EFNA5: variants seen among roughly 807,000 people sequenced by gnomAD.
The protein encoded by EFNA5 is ephrin-A5.
Under a neutral mutation model 22.9 loss-of-function variants are expected in EFNA5, and 5 were observed. That is an observed-to-expected ratio of 0.22 (90% confidence interval 0.11 to 0.46). The LOEUF (loss-of-function observed/expected upper bound fraction) is 0.46, where lower values mean the gene tolerates loss of function less well. Among genes scored for constraint, EFNA5 ranks in the 20% least tolerant of loss-of-function variants. The pLI is 0.99. For missense variants in EFNA5, 237 were observed against 293.3 expected, an observed-to-expected ratio of 0.81 and a Z score of 1.40; for synonymous variants, 113 against 112.2, an observed-to-expected ratio of 1.01 and a Z score of -0.04.
chr5:107,441,506 C>T (rs1749256686), intron 1 of EFNA5, among the ~76,000 whole-genome samples: 1 of 152,146 alleles, frequency 6.6e-6, no homozygotes, highest in South Asian at 2.1e-4. Context: ...GGGACATGAT[C>T]TGAAGCTTAC....
intron 4 of EFNA5, 142 bp from the exon 5 acceptor site, chr5:107,381,518 A>G (rs1243340898): frequency 1.1e-6 from 1 of 923,910 alleles, no homozygotes; most frequent in Non-Finnish European, 1.5e-6. Flanking sequence ...TCATGTCTGC[A>G]TAATCACTCA....
Position 107,503,255 on chromosome 5 carries a change from C to T in EFNA5, c.126-75746G>A, listed in dbSNP as rs115576533. On this transcript the variant is annotated intron_variant, in intron 1 of 4. Coordinates refer to ENST00000333274, the MANE Select transcript of EFNA5 (RefSeq NM_001962.3). ...ACCAGTTAATGAAGTCATCTGCCTTCGGTGCACAGTGAACAAAATACTACC... is the reference window on the plus strand; with the variant it reads ...ACCAGTTAATGAAGTCATCTGCCTTTGGTGCACAGTGAACAAAATACTACC... 3.3e-3 allele frequency among the ~76,000 whole-genome samples: 508 copies of T among 152,264 alleles called. 3 individuals carry two copies. Among genetic ancestry groups the T allele is most frequent in the African/African-American group, 0.011 (461 of 41,558 alleles).
chr5:107,504,059 A>G (rs1747197978), intron 1 of EFNA5, among the ~76,000 whole-genome samples: 1 of 152,202 alleles, frequency 6.6e-6, no homozygotes, highest in African/African-American at 2.4e-5. Flanking sequence ...ATTTTCAAAC[A>G]TCAGTTATAT....
intron 1 of EFNA5, among the ~76,000 whole-genome samples, chr5:107,443,119 T>G (rs929781179): frequency 2.0e-5 from 3 of 152,168 alleles, no homozygotes; most frequent in African/African-American, 7.2e-5. Flanking sequence ...GGGCATTGCT[T>G]ATTGGCCTAT....
chr5:107,670,031 A>T (rs1276646065), intron 1 of EFNA5, among the ~76,000 whole-genome samples: 2 of 2,436 alleles, frequency 8.2e-4, no homozygotes, highest in Non-Finnish European at 1.7e-3. Context: ...AATTAAAATT[A>T]AAAAAAAAAA....
chr5:107,664,277 GA>G (rs529766674), intron 1 of EFNA5, among the ~76,000 whole-genome samples: 242 of 152,236 alleles, frequency 1.6e-3, no homozygotes, highest in African/African-American at 5.4e-3. Context: ...GTTGTAGTCA[GA>G]AAAAACTTGA....
chr5:107,405,358 G>A (rs1475134841), intron 2 of EFNA5, among the ~76,000 whole-genome samples: 1 of 152,174 alleles, frequency 6.6e-6, no homozygotes, highest in East Asian at 1.9e-4. Context: ...TCTGTCTCAG[G>A]AAGGGACCTC....
At chr5:107,617,192 A>G (rs1229305243) in intron 1 of EFNA5, among the ~76,000 whole-genome samples, 2 of 151,074 alleles carry the variant, frequency 1.3e-5, no homozygotes, top group East Asian at 3.9e-4. Context: ...AACATTACAC[A>G]TACTTACATG....
At chr5:107,661,792 C>T (rs368566169) in intron 1 of EFNA5, among the ~76,000 whole-genome samples, 4 of 152,188 alleles carry the variant, frequency 2.6e-5, no homozygotes, top group African/African-American at 9.6e-5. Flanking sequence ...ATCCCACTGA[C>T]ATCTACAAAA....
At chr5:107,451,198 T>C (rs1561391928) in intron 1 of EFNA5, among the ~76,000 whole-genome samples, 1 of 152,250 alleles carries the variant, frequency 6.6e-6, no homozygotes, top group Admixed American at 6.5e-5. Flanking sequence ...GTAATACCTA[T>C]GTACTCAAGC....
At chr5:107,604,597 G>T (rs1283771053) in intron 1 of EFNA5, among the ~76,000 whole-genome samples, 1 of 151,978 alleles carries the variant, frequency 6.6e-6, no homozygotes, top group Non-Finnish European at 1.5e-5. Context: ...ACACATATAA[G>T]AAAAAAATAA....
intron 1 of EFNA5, among the ~76,000 whole-genome samples, chr5:107,492,597 C>T (rs1156937116): frequency 6.6e-6 from 1 of 152,154 alleles, no homozygotes; most frequent in Non-Finnish European, 1.5e-5. Flanking sequence ...ATTCTCACCT[C>T]AGTCACTCTC....
intron 1 of EFNA5, among the ~76,000 whole-genome samples, chr5:107,650,609 A>T (rs1236251581): frequency 6.6e-6 from 1 of 152,214 alleles, no homozygotes; most frequent in African/African-American, 2.4e-5. Flanking sequence ...AAAATTCTTA[A>T]GTAAAGGTAT....
chr5:107,567,670 C>T (rs1202169620), intron 1 of EFNA5, among the ~76,000 whole-genome samples: 2 of 152,326 alleles, frequency 1.3e-5, no homozygotes, highest in South Asian at 2.1e-4. Flanking sequence ...GCAGCATTCT[C>T]TCACAAGAGT....
At chr5:107,416,922 G>C (rs1296143347) in intron 2 of EFNA5, among the ~76,000 whole-genome samples, 2 of 152,018 alleles carry the variant, frequency 1.3e-5, no homozygotes, top group African/African-American at 4.8e-5. Context: ...AGCAAAACAT[G>C]CAGTAAAACT....
intron 1 of EFNA5, among the ~76,000 whole-genome samples, chr5:107,665,819 A>G (rs1238768677): frequency 6.6e-6 from 1 of 152,170 alleles, no homozygotes; most frequent in Non-Finnish European, 1.5e-5. Context: ...ACAAATTTCT[A>G]GATTAAAAAG....
At chr5:107,550,160 G>C (rs147880367) in intron 1 of EFNA5, among the ~76,000 whole-genome samples, 1 of 152,292 alleles carries the variant, frequency 6.6e-6, no homozygotes, top group African/African-American at 2.4e-5. Context: ...GCTTTTAGAT[G>C]TGCTCAGATT....
At position 107,569,551 on chromosome 5, in the gene EFNA5, ATATATATT is replaced by A. The variant is rs1239251262; in HGVS notation, c.125+100930_125+100937del. On this transcript the variant is annotated intron_variant, in intron 1 of 4. Transcript: ENST00000333274. ...TATATTTATATATATATGTGTGTAT[ATATATATT>A]TATATATATATATATATATATATAT... Among the ~76,000 whole-genome samples, 80 of 117,394 alleles carry A rather than the reference ATATATATT, an allele frequency of 6.8e-4. 1 individual carries two copies. Among genetic ancestry groups the A allele is most frequent in the African/African-American group, 2.2e-3 (78 of 34,844 alleles). The allele number at this position is 117,394 out of a possible 152,430, so 77.0% of individuals were successfully genotyped here.
intron 1 of EFNA5, among the ~76,000 whole-genome samples, chr5:107,546,331 C>T (rs1748153203): frequency 6.6e-6 from 1 of 152,136 alleles, no homozygotes; most frequent in Non-Finnish European, 1.5e-5. Context: ...TGAATTCCAC[C>T]TCAGAATCCA....
Sources: allele counts gnomAD v4.1 joint callset (sites outside exome capture counted in the v4.1 genomes callset), GRCh38; gene constraint gnomAD v4.1.1; transcripts MANE v1.5; gene names NCBI Gene and HGNC (gene_info 2026-07-23, HGNC 2026-07-21).